The following UNC5C variants were observed in gnomAD, a reference collection of about 807,000 sequenced individuals.
The protein encoded by UNC5C is netrin receptor UNC5C.
In UNC5C, 47 loss-of-function variants were observed where a neutral mutation model predicts 99.8. The ratio of observed to expected loss-of-function variants is 0.47; its 90% CI spans 0.37 to 0.60. The LOEUF (loss-of-function observed/expected upper bound fraction) is 0.60, where lower values mean the gene tolerates loss of function less well. Ranked by LOEUF, UNC5C falls within the 20% of genes least tolerant of loss-of-function variation. UNC5C has a pLI of 0.00. For missense variants in UNC5C, 1,062 were observed against 1,165.9 expected, an observed-to-expected ratio of 0.91 and a Z score of 1.30; for synonymous variants, 487 against 452.2, an observed-to-expected ratio of 1.08 and a Z score of -0.98.
At chr4:95,204,565 A>G (rs1737806583) in intron 11 of UNC5C, among the ~76,000 whole-genome samples, 1 of 152,278 alleles carries the variant, frequency 6.6e-6, no homozygotes. Context: ...TCAGATTTTA[A>G]TGTGAAATCT....
chr4:95,231,856 A>G (rs1439823700), intron 7 of UNC5C, among the ~76,000 whole-genome samples: 1 of 152,200 alleles, frequency 6.6e-6, no homozygotes, highest in Admixed American at 6.5e-5. Flanking sequence ...GGAACTCCAA[A>G]TAAATGAATA....
chr4:95,548,727 C>A lies in UNC5C; in HGVS notation c.124+7G>T. 1 of 1,612,456 alleles carries A rather than the reference C, an allele frequency of 6.2e-7. No homozygotes were observed. Among genetic ancestry groups the A allele is most frequent in the Non-Finnish European group, 8.5e-7 (1 of 1,179,414 alleles). ...AGGTGGCCGCGGAGCTTGGCGGACC[C>A]CCTTACCTTGGGCGGCGGAGCCAGT... On this transcript the variant is annotated splice_region_variant and intron_variant, in intron 1 of 15. Transcript: ENST00000453304.
In UNC5C at chr4:95,378,320, T is replaced by C. The variant is rs148107954; in HGVS notation, c.125-42689A>G. ...GATCCTTAGATATATAATCTATTAA[T>C]AAGAAGAACATTTACTAAATTCAAC... On this transcript the variant is annotated intron_variant, in intron 1 of 15. Coordinates refer to ENST00000453304, the MANE Select transcript of UNC5C (RefSeq NM_003728.4). 4.6e-5 allele frequency among the ~76,000 whole-genome samples: 7 copies of C among 152,162 alleles called. No individual in the cohort carries two copies. In the East Asian group the frequency reaches 1.3e-3, roughly 29 times the overall value.
At chr4:95,508,981 C>T (rs995835032) in intron 1 of UNC5C, among the ~76,000 whole-genome samples, 1 of 151,682 alleles carries the variant, frequency 6.6e-6, no homozygotes, top group Non-Finnish European at 1.5e-5. Context: ...TCACAATTTC[C>T]TATGGAAATG....
intron 1 of UNC5C, among the ~76,000 whole-genome samples, chr4:95,423,587 G>T (rs1248323992): frequency 6.6e-6 from 1 of 152,168 alleles, no homozygotes; most frequent in Non-Finnish European, 1.5e-5. Flanking sequence ...TACATTTTGA[G>T]ATTTTCGTCT....
At chr4:95,444,402 C>T (rs1423493479) in intron 1 of UNC5C, among the ~76,000 whole-genome samples, 1 of 151,360 alleles carries the variant, frequency 6.6e-6, no homozygotes, top group South Asian at 2.1e-4. Flanking sequence ...GCGATCTCCG[C>T]TCACTGCAGG....
At chr4:95,225,528 G>A (rs965016720) in intron 7 of UNC5C, among the ~76,000 whole-genome samples, 3 of 152,026 alleles carry the variant, frequency 2.0e-5, no homozygotes, top group Non-Finnish European at 4.4e-5. Context: ...CTGTCAATAG[G>A]TGTATAATAT....
intron 3 of UNC5C, among the ~76,000 whole-genome samples, chr4:95,288,203 C>T (rs996135590): frequency 7.2e-5 from 11 of 151,978 alleles, no homozygotes; most frequent in Non-Finnish European, 1.5e-4. Flanking sequence ...CTGCCTCAGC[C>T]TCCCGAGTAG....
chr4:95,287,163 T>C (rs1429972519), intron 3 of UNC5C, among the ~76,000 whole-genome samples: 1 of 152,254 alleles, frequency 6.6e-6, no homozygotes, highest in East Asian at 1.9e-4. Context: ...AAGCTGTTTT[T>C]GTTAGTAGGA....
rs1579190219 is a variant in UNC5C at position 95,167,720 on chromosome 4, AAAC to A, written c.*1511_*1513del. ...TGATGCAGAGCGACTCAGGCCAAAC[AAAC>A]AACATCATAATGCTGGTTAGAATAA... On this transcript the variant is annotated 3_prime_UTR_variant, in exon 16 of 16. Coordinates refer to ENST00000453304, the MANE Select transcript of UNC5C (RefSeq NM_003728.4). The A allele has an allele frequency of 6.6e-6, 1 of 152,242 alleles. No homozygotes were observed. Among genetic ancestry groups the A allele is most frequent in the Non-Finnish European group, 1.5e-5 (1 of 68,058 alleles). 9.4% of individuals were successfully genotyped at this position (152,242 alleles called of 1,614,324 possible).
chr4:95,425,547 C>A lies in UNC5C; in HGVS notation c.125-89916G>T, dbSNP rs143924017. Among the ~76,000 whole-genome samples the A allele has an allele frequency of 3.4e-4, 52 of 152,318 alleles. 2 individuals are homozygous for A. The South Asian group carries it at 8.3e-3, about 24-fold the overall frequency. On this transcript the variant is annotated intron_variant, in intron 1 of 15. Coordinates refer to ENST00000453304, the MANE Select transcript of UNC5C (RefSeq NM_003728.4). ...CTGTGTTAGCCAGGATGGTCTGGAT[C>A]TCCTGACCTCGTGATCCGCCCAAAG...
At chr4:95,475,510 ACAGT>A (rs1442368024) in intron 1 of UNC5C, among the ~76,000 whole-genome samples, 3 of 152,048 alleles carry the variant, frequency 2.0e-5, no homozygotes, top group Non-Finnish European at 4.4e-5. Context: ...CTGTCCTGTG[ACAGT>A]CAGGAGAGAA....
chr4:95,273,747 T>C (rs1418390323), intron 4 of UNC5C, among the ~76,000 whole-genome samples: 2 of 152,160 alleles, frequency 1.3e-5, no homozygotes, highest in Non-Finnish European at 2.9e-5. Context: ...CTTGAAAATT[T>C]ATATATTATT....
intron 1 of UNC5C, among the ~76,000 whole-genome samples, chr4:95,350,254 G>A (rs767215150): frequency 6.6e-6 from 1 of 152,078 alleles, no homozygotes; most frequent in African/African-American, 2.4e-5. Context: ...TTGGGAGGCC[G>A]AAGTGGGCAG....
chr4:95,324,681 C>T (rs1742825205), intron 2 of UNC5C, among the ~76,000 whole-genome samples: 1 of 152,108 alleles, frequency 6.6e-6, no homozygotes, highest in Non-Finnish European at 1.5e-5. Flanking sequence ...TGGAAGGTGA[C>T]TAGGCCATGG....
chr4:95,286,044 G>A (rs541642916), intron 3 of UNC5C, among the ~76,000 whole-genome samples: 1 of 152,194 alleles, frequency 6.6e-6, no homozygotes, highest in Admixed American at 6.5e-5. Context: ...TAATTTCACA[G>A]GGTTATATAG....
chr4:95,162,731 C>A lies in UNC5C; in HGVS notation c.*6503G>T, dbSNP rs546048492. 6.6e-6 allele frequency: 1 copy of A among 151,806 alleles called. No individual in the cohort carries two copies. The highest frequency in any genetic ancestry group is 6.6e-5 in the Admixed American group (1 of 15,230). 9.4% of individuals were successfully genotyped at this position (151,806 alleles called of 1,614,324 possible). A position where few individuals can be genotyped will look rare whatever the true frequency, so the allele number is the denominator to read the frequency against. On this transcript the variant is annotated 3_prime_UTR_variant, in exon 16 of 16. Transcript: ENST00000453304. ...TATCCGGAGGGCACTCTGCCTCTGCCGGGGGGTTTTTTTAGAAAAGGAATT... is the reference window on the plus strand; with the variant it reads ...TATCCGGAGGGCACTCTGCCTCTGCAGGGGGGTTTTTTTAGAAAAGGAATT...
chr4:95,270,881 C>T (rs1187516238), intron 4 of UNC5C, among the ~76,000 whole-genome samples: 1 of 152,208 alleles, frequency 6.6e-6, no homozygotes, highest in Non-Finnish European at 1.5e-5. Context: ...TTACTATAAA[C>T]TTGCCTTTCA....
At chr4:95,238,013 G>A (rs1055745068) in intron 7 of UNC5C, among the ~76,000 whole-genome samples, 43 of 151,788 alleles carry the variant, frequency 2.8e-4, no homozygotes, top group African/African-American at 9.4e-4. Flanking sequence ...ACTCCAGCCT[G>A]GCGACAGAGC....
Sources: gnomAD v4.1 joint callset for allele counts (sites outside exome capture counted in the v4.1 genomes callset) on GRCh38, gnomAD v4.1.1 for gene constraint, MANE v1.5 for transcripts, NCBI Gene and HGNC (gene_info 2026-07-23, HGNC 2026-07-21) for gene names.